Variants in DOCK8 observed in about 807,000 individuals in gnomAD.
DOCK8 encodes dedicator of cytokinesis protein 8.
In DOCK8, 141 loss-of-function variants were observed where a neutral mutation model predicts 245.6. That is an observed-to-expected ratio of 0.57 (90% CI 0.50 to 0.66). The LOEUF is 0.66. Ranked by LOEUF, DOCK8 falls within the 30% of genes least tolerant of loss-of-function variation. The pLI is 0.00. For synonymous variants in DOCK8, 1,168 were observed against 970.2 expected (o/e 1.20, Z -3.79); for missense variants, 2,965 against 2,603.4 (o/e 1.14, Z -3.02).
chr9:456,293 A>G (rs1200989371), intron 46 of DOCK8: 5 of 152,126 alleles, frequency 3.3e-5, no homozygotes, highest in Admixed American at 2.6e-4. Flanking sequence ...TAGAGTAACT[A>G]TTTTTTCACG....
chr9:220,791 G>T, intron 1 of DOCK8: 1 of 374,188 alleles, frequency 2.7e-6, no homozygotes, highest in South Asian at 1.9e-5. Flanking sequence ...GGCCATCTCG[G>T]CTCACTGCAA....
intron 14 of DOCK8, among the ~76,000 whole-genome samples, chr9:355,916 A>G (rs543841331): frequency 6.6e-6 from 1 of 152,308 alleles, no homozygotes; most frequent in Admixed American, 6.5e-5. Flanking sequence ...GCTGTCTGAA[A>G]TGTTTCTTGC....
chr9:445,243 C>G (rs1482507328), intron 43 of DOCK8, among the ~76,000 whole-genome samples: 1 of 152,144 alleles, frequency 6.6e-6, no homozygotes, highest in Non-Finnish European at 1.5e-5. Context: ...GTGCCCTTTT[C>G]CCCTCTTTTA....
chr9:403,187 C>T (rs1202655065), intron 26 of DOCK8, among the ~76,000 whole-genome samples: 2 of 152,178 alleles, frequency 1.3e-5, no homozygotes, highest in African/African-American at 4.8e-5. Context: ...CCACACCCAG[C>T]CTGAAATGTC....
chr9:286,773 A>G lies in DOCK8; in HGVS notation c.332+137A>G, dbSNP rs1159815827. On this transcript the variant is annotated intron_variant, in intron 3 of 47. Coordinates refer to ENST00000432829, the MANE Select transcript of DOCK8 (RefSeq NM_203447.4). ...ATCCATTCAAATGTGTGGGACAGCT[A>G]TATGATATCATCATGTAAGTATAGA... 59 of 849,302 alleles carry G rather than the reference A, an allele frequency of 6.9e-5. 1 individual carries two copies. The East Asian group carries it at 1.5e-3, about 21-fold the overall frequency. 52.6% of individuals were successfully genotyped at this position (849,302 alleles called of 1,614,324 possible). A position where few individuals can be genotyped will look rare whatever the true frequency, so the allele number is the denominator to read the frequency against.
intron 19 of DOCK8, among the ~76,000 whole-genome samples, chr9:376,639 G>A (rs998053874): frequency 1.4e-4 from 22 of 151,972 alleles, no homozygotes; most frequent in African/African-American, 2.2e-4. Flanking sequence ...AAGAAATTCC[G>A]TACTCTCTCC....
intron 46 of DOCK8, among the ~76,000 whole-genome samples, chr9:461,567 G>A (rs1263020090): frequency 8.9e-6 from 1 of 112,530 alleles, no homozygotes; most frequent in African/African-American, 3.6e-5. Flanking sequence ...GGTGAGACAA[G>A]GTCTGGTTCT....
chr9:318,629 G>A (rs1030061521), intron 7 of DOCK8, among the ~76,000 whole-genome samples: 2 of 152,170 alleles, frequency 1.3e-5, no homozygotes, highest in East Asian at 1.9e-4. Context: ...CCTTTTGTAC[G>A]GAGAAATGAG....
At chr9:213,082 A>C (rs993782458), upstream of DOCK8, 1 of 152,234 alleles carries the variant, frequency 6.6e-6, no homozygotes, top group African/African-American at 2.4e-5. Flanking sequence ...GTAGTAAATA[A>C]GGACAGTTTT....
chr9:423,173 A>G (rs1737622074), intron 33 of DOCK8, among the ~76,000 whole-genome samples: 2 of 152,124 alleles, frequency 1.3e-5, no homozygotes, highest in Non-Finnish European at 2.9e-5. Context: ...TATAATATAT[A>G]TTGTTACCAG....
chr9:300,668 C>T (rs1359413377), intron 4 of DOCK8, among the ~76,000 whole-genome samples: 1 of 151,962 alleles, frequency 6.6e-6, no homozygotes, highest in Non-Finnish European at 1.5e-5. Context: ...AATGACACTA[C>T]AACTGATGCC....
chr9:384,581 C>G (rs2053868450), intron 22 of DOCK8, among the ~76,000 whole-genome samples: 1 of 152,130 alleles, frequency 6.6e-6, no homozygotes, highest in Non-Finnish European at 1.5e-5. Flanking sequence ...AGGTCCTGGT[C>G]CCTGAATGAA....
At chr9:410,527 T>C (rs1337943997) in intron 28 of DOCK8, among the ~76,000 whole-genome samples, 1 of 152,216 alleles carries the variant, frequency 6.6e-6, no homozygotes, top group East Asian at 1.9e-4. Context: ...CTGTGCATGG[T>C]TTTGGGTGGA....
chr9:266,162 A>C (rs1428746584), intron 1 of DOCK8, among the ~76,000 whole-genome samples: 1 of 152,150 alleles, frequency 6.6e-6, no homozygotes, highest in Non-Finnish European at 1.5e-5. Context: ...CTTGTTTTAA[A>C]AGCTCCCTAA....
rs2049036485 is a variant in DOCK8, at chr9:291,483, AT to A, written c.404+1903del. On this transcript the variant is annotated intron_variant, in intron 4 of 47. Transcript: ENST00000432829. Reference sequence around the variant, plus strand: ...AAGATTATAATATCATTTTTGTAACATGCATTTTCAGTTTTCACAGTAAAGA... The same window carrying A: ...AAGATTATAATATCATTTTTGTAACAGCATTTTCAGTTTTCACAGTAAAGA... 2.6e-5 allele frequency among the ~76,000 whole-genome samples: 4 copies of A among 152,164 alleles called. No individual in the cohort carries two copies. In the South Asian group the frequency reaches 8.3e-4, roughly 32 times the overall value.
intron 39 of DOCK8, among the ~76,000 whole-genome samples, chr9:437,185 G>A (rs142715130): frequency 6.6e-4 from 100 of 152,336 alleles, no homozygotes; most frequent in African/African-American, 2.3e-3. Flanking sequence ...GCCCGTCTGA[G>A]GAATGTGAGC....
chr9:239,799 A>G (rs2047339107), intron 1 of DOCK8, among the ~76,000 whole-genome samples: 1 of 152,200 alleles, frequency 6.6e-6, no homozygotes. Context: ...ATGCTTATAT[A>G]TTGTATCATA....
chr9:441,088 A>G (rs1353662781), intron 40 of DOCK8, among the ~76,000 whole-genome samples, 198 bp from the exon 41 acceptor site: 1 of 152,040 alleles, frequency 6.6e-6, no homozygotes, highest in Non-Finnish European at 1.5e-5. Context: ...ATACAGGACT[A>G]CTTAGCGAGG....
chr9:231,992 T>C (rs2047128839), intron 1 of DOCK8, among the ~76,000 whole-genome samples: 1 of 152,172 alleles, frequency 6.6e-6, no homozygotes, highest in South Asian at 2.1e-4. Flanking sequence ...AAGGGAATGC[T>C]TCCAGTTTTT....
Sources: allele counts gnomAD v4.1 joint callset (sites outside exome capture counted in the v4.1 genomes callset), GRCh38; gene constraint gnomAD v4.1.1; transcripts MANE v1.5; gene names NCBI Gene and HGNC (gene_info 2026-07-23, HGNC 2026-07-21).